The following TMCC3 variants were observed in gnomAD, a reference collection of about 807,000 sequenced individuals.
TMCC3 encodes the protein transmembrane and coiled-coil domain family 3, also known as transmembrane and coiled-coil domain protein 3.
Under a neutral mutation model 40.2 loss-of-function variants are expected in TMCC3, and 28 were observed. The observed-to-expected ratio is 0.70, with a 90% CI of 0.52 to 0.95. The LOEUF (loss-of-function observed/expected upper bound fraction) is 0.95, where lower values mean the gene tolerates loss of function less well. TMCC3 is among the 40% of genes least tolerant of loss of function. The pLI is 0.00. For missense variants in TMCC3, 554 were observed against 615.2 expected (o/e 0.90, Z 1.05); for synonymous variants, 255 against 248.5 (o/e 1.03, Z -0.25).
chr12:94,598,399 T>C (rs2068731040), intron 1 of TMCC3, among the ~76,000 whole-genome samples: 1 of 151,960 alleles, frequency 6.6e-6, no homozygotes, highest in South Asian at 2.1e-4. Context: ...ATGTGAAAAA[T>C]ATGTATGATA....
Position 94,571,298 on chromosome 12 carries a change from T to C in TMCC3, c.*137A>G. ...AACTGCTACGGAGTTAAGAGAATTG[T>C]AGTTATTTACACCACACAGTCCTAG... On this transcript the variant is annotated 3_prime_UTR_variant, in exon 4 of 4. Coordinates refer to ENST00000261226, the MANE Select transcript of TMCC3 (RefSeq NM_020698.4). 1.2e-6 allele frequency: 1 copy of C among 852,338 alleles called. No individual in the cohort carries two copies. Among genetic ancestry groups the C allele is most frequent in the Non-Finnish European group, 1.8e-6 (1 of 558,758 alleles). 52.8% of individuals were successfully genotyped at this position (852,338 alleles called of 1,614,324 possible). A position where few individuals can be genotyped will look rare whatever the true frequency, so the allele number is the denominator to read the frequency against.
At chr12:94,619,932 G>A (rs2138867414) in intron 1 of TMCC3, among the ~76,000 whole-genome samples, 1 of 151,864 alleles carries the variant, frequency 6.6e-6, no homozygotes, top group Non-Finnish European at 1.5e-5. Context: ...AGGAGGCCGA[G>A]GCAGGTGGAT....
Position 94,590,866 on chromosome 12 carries a change from G to A in TMCC3, c.79-8328C>T, listed in dbSNP as rs1024970662. 2.0e-5 allele frequency: 11 copies of A among 561,484 alleles called. 1 individual carries two copies. The highest frequency in any genetic ancestry group is 6.2e-5 in the Admixed American group (3 of 48,736). The allele number at this position is 561,484 out of a possible 1,614,324, so 34.8% of individuals were successfully genotyped here. A position where few individuals can be genotyped will look rare whatever the true frequency, so the allele number is the denominator to read the frequency against. On this transcript the variant is annotated intron_variant, in intron 1 of 3. Transcript: ENST00000261226. Reference sequence around the variant, plus strand: ...GCAACAAACTACCAACACTGGAGAGGAGCCCCTGGATGTTATCGGGCTCAG... The same window carrying A: ...GCAACAAACTACCAACACTGGAGAGAAGCCCCTGGATGTTATCGGGCTCAG...
intron 3 of TMCC3, among the ~76,000 whole-genome samples, chr12:94,576,081 T>C (rs1397018045): frequency 5.9e-5 from 9 of 152,200 alleles, no homozygotes; most frequent in Non-Finnish European, 1.0e-4. Flanking sequence ...CTCGGCCCAC[T>C]TGGCAACAAT....
intron 1 of TMCC3, among the ~76,000 whole-genome samples, chr12:94,628,301 T>C (rs891183082): frequency 6.6e-6 from 1 of 152,074 alleles, no homozygotes; most frequent in Non-Finnish European, 1.5e-5. Context: ...AGCCTACCTT[T>C]TTGTCTTCTC....
At position 94,582,223 on chromosome 12, in the gene TMCC3, T is replaced by C; in HGVS notation, c.394A>G (p.Lys132Glu). ...AGCTTTCGATGATACTGCTCTAACT[T>C]CTTCTGCAGCTGGGCGATGGAGTGA... ...SAHSIAQLQKKLEQYHRKLRE... is the reference protein window; with the variant it reads ...SAHSIAQLQKELEQYHRKLRE... Residue 132 changes from lysine to glutamate, a missense_variant, in exon 2 of 4, where the codon AAG (lysine) becomes GAG (glutamate). Lys to Glu is a moderately conservative substitution (Grantham distance 56). Transcript: ENST00000261226. The C allele has an allele frequency of 6.2e-7, 1 of 1,614,094 alleles. No individual in the cohort carries two copies. The highest frequency in any genetic ancestry group is 8.5e-7 in the Non-Finnish European group (1 of 1,179,956).
At chr12:94,607,187 C>T (rs2068788701) in intron 1 of TMCC3, among the ~76,000 whole-genome samples, 2 of 152,210 alleles carry the variant, frequency 1.3e-5, no homozygotes, top group Non-Finnish European at 2.9e-5. Flanking sequence ...TTCTGCCTGA[C>T]CCCGCAGGCA....
chr12:94,589,131 G>T (rs542396690), intron 1 of TMCC3, among the ~76,000 whole-genome samples: 1 of 142,954 alleles, frequency 7.0e-6, no homozygotes, highest in African/African-American at 2.6e-5. Context: ...CCAGTATGAG[G>T]TTGTTGTTTT....
chr12:94,592,571 G>A (rs2068683559), intron 1 of TMCC3, among the ~76,000 whole-genome samples: 1 of 145,598 alleles, frequency 6.9e-6, no homozygotes, highest in Non-Finnish European at 1.5e-5. Flanking sequence ...TTGGACCCCG[G>A]AGGCAGAGGC....
intron 2 of TMCC3, among the ~76,000 whole-genome samples, chr12:94,580,283 A>G (rs1397858575): frequency 6.6e-6 from 1 of 152,356 alleles, no homozygotes; most frequent in African/African-American, 2.4e-5. Flanking sequence ...AATAAGTTAT[A>G]AGCACCTAAA....
intron 1 of TMCC3, among the ~76,000 whole-genome samples, chr12:94,626,682 G>T (rs1299786323): frequency 6.6e-6 from 1 of 152,070 alleles, no homozygotes; most frequent in Non-Finnish European, 1.5e-5. Flanking sequence ...CAAGTTACAA[G>T]GATGCCACGG....
chr12:94,574,238 A>G (rs756970753), intron 3 of TMCC3, among the ~76,000 whole-genome samples: 2 of 152,062 alleles, frequency 1.3e-5, no homozygotes, highest in Non-Finnish European at 2.9e-5. Context: ...AAATACAAAA[A>G]TTAGCTGGGC....
At chr12:94,586,463 T>C (rs1264872507) in intron 1 of TMCC3, among the ~76,000 whole-genome samples, 2 of 152,230 alleles carry the variant, frequency 1.3e-5, no homozygotes, top group Non-Finnish European at 2.9e-5. Flanking sequence ...TTCTTGTCAT[T>C]TTTCACTCAG....
intron 1 of TMCC3, among the ~76,000 whole-genome samples, chr12:94,635,994 A>G (rs2138880627): frequency 6.6e-6 from 1 of 152,184 alleles, no homozygotes; most frequent in Non-Finnish European, 1.5e-5. Context: ...CAAATCCCTG[A>G]GGGGAGAGGT....
At chr12:94,626,602 C>T (rs1184388189) in intron 1 of TMCC3, among the ~76,000 whole-genome samples, 1 of 152,166 alleles carries the variant, frequency 6.6e-6, no homozygotes, top group Admixed American at 6.5e-5. Context: ...TTTCATGCTT[C>T]CTTCCATTTC....
chr12:94,643,253 G>A (rs76007330), intron 1 of TMCC3, among the ~76,000 whole-genome samples: 2,501 of 152,140 alleles, frequency 0.016, 48 homozygotes, highest in African/African-American at 0.056. Context: ...CCACTCCAGT[G>A]CACTCCCCCA....
chr12:94,582,723 AT>A (rs2068612761), intron 1 of TMCC3, among the ~76,000 whole-genome samples, 185 bp from the exon 2 acceptor site: 1 of 151,960 alleles, frequency 6.6e-6, no homozygotes, highest in African/African-American at 2.4e-5. Flanking sequence ...TCCTTCCTGC[AT>A]CCATCTACAC....
At chr12:94,599,563 C>A (rs79187088) in intron 1 of TMCC3, among the ~76,000 whole-genome samples, 2 of 95,024 alleles carry the variant, frequency 2.1e-5, no homozygotes, top group South Asian at 3.1e-4. Flanking sequence ...GATACCCCCC[C>A]CCCCGCCCAC....
intron 1 of TMCC3, among the ~76,000 whole-genome samples, chr12:94,639,764 GAA>G (rs10716116): frequency 0.017 from 1,709 of 103,220 alleles, 42 homozygotes; most frequent in African/African-American, 0.053. Context: ...CAAGAGGTAA[GAA>G]AAAAAAAAAA....
Sources: allele counts gnomAD v4.1 joint callset (sites outside exome capture counted in the v4.1 genomes callset), GRCh38; gene constraint gnomAD v4.1.1; transcripts MANE v1.5; gene names NCBI Gene and HGNC (gene_info 2026-07-23, HGNC 2026-07-21).